EMC7: variants seen among roughly 807,000 people sequenced by gnomAD.
EMC7 encodes the protein ER membrane protein complex subunit 7.
EMC7 carries 4 observed loss-of-function variants against 24.4 expected under a neutral mutation model. The ratio of observed to expected loss-of-function variants is 0.16; its 90% CI spans 0.08 to 0.38. The LOEUF (loss-of-function observed/expected upper bound fraction) is 0.38, where lower values mean the gene tolerates loss of function less well. EMC7 is among the 10% of genes least tolerant of loss of function. The pLI, the probability that EMC7 is intolerant of heterozygous loss-of-function variation, is 1.00. For synonymous variants in EMC7, 106 were observed against 112.0 expected (o/e 0.95, Z 0.34); for missense variants, 221 against 300.6 (o/e 0.74, Z 1.96).
At chr15:34,101,580 T>A (rs762765654) in intron 1 of EMC7, 24 bp downstream of exon 1, 9 of 1,611,152 alleles carry the variant, frequency 5.6e-6, no homozygotes, top group Non-Finnish European at 7.6e-6. Flanking sequence ...CCAGCCTTTT[T>A]CCCGCTGCCC....
At chr15:34,093,209 G>A (rs1462574796) in intron 2 of EMC7, among the ~76,000 whole-genome samples, 1 of 152,126 alleles carries the variant, frequency 6.6e-6, no homozygotes, top group Non-Finnish European at 1.5e-5. Flanking sequence ...GGAGGCCGAG[G>A]CAGGAGGATC....
chr15:34,096,745 T>G (rs1901073870), intron 1 of EMC7, among the ~76,000 whole-genome samples: 1 of 151,412 alleles, frequency 6.6e-6, no homozygotes, highest in South Asian at 2.1e-4. Flanking sequence ...CCCAGCACTT[T>G]GGGAGGCCGA....
intron 2 of EMC7, among the ~76,000 whole-genome samples, chr15:34,093,205 C>T (rs1901005957): frequency 3.3e-5 from 5 of 152,116 alleles, no homozygotes; most frequent in South Asian, 2.1e-4. Flanking sequence ...TTTGGGAGGC[C>T]GAGGCAGGAG....
Position 34,101,594 on chromosome 15 carries a change from G to A in EMC7, c.236+10C>T, listed in dbSNP as rs1333161366. 1 of 1,613,254 alleles carries A rather than the reference G, an allele frequency of 6.2e-7. No homozygotes were observed. Among genetic ancestry groups the A allele is most frequent in the Non-Finnish European group, 8.5e-7 (1 of 1,179,650 alleles). On this transcript the variant is annotated intron_variant, in intron 1 of 4. Transcript: ENST00000256545. Reference sequence around the variant, plus strand: ...CCCAGCCTTTTTCCCGCTGCCCTCAGGATGCTCACTTAAGGAAACCGACGT... The same window carrying A: ...CCCAGCCTTTTTCCCGCTGCCCTCAAGATGCTCACTTAAGGAAACCGACGT...
Position 34,101,586 on chromosome 15 carries a change from T to G in EMC7, c.236+18A>C, listed in dbSNP as rs571422272. 1.1e-4 allele frequency: 185 copies of G among 1,612,454 alleles called. No homozygotes were observed. In the African/African-American group the frequency reaches 2.2e-3, roughly 19 times the overall value. On this transcript the variant is annotated intron_variant, in intron 1 of 4. Coordinates refer to ENST00000256545, the MANE Select transcript of EMC7 (RefSeq NM_020154.3). ...GCCTCCATCCCAGCCTTTTTCCCGC[T>G]GCCCTCAGGATGCTCACTTAAGGAA...
Position 34,088,047 on chromosome 15 carries a change from T to C in EMC7, c.576+6A>G. 1 of 1,603,394 alleles carries C rather than the reference T, an allele frequency of 6.2e-7. No homozygotes were observed. Among genetic ancestry groups the C allele is most frequent in the Non-Finnish European group, 8.5e-7 (1 of 1,176,402 alleles). On this transcript the variant is annotated splice_donor_region_variant and intron_variant, in intron 4 of 4. Coordinates refer to ENST00000256545, the MANE Select transcript of EMC7 (RefSeq NM_020154.3). ...AAAAAAATCCATAGCTGGACCATCA[T>C]CTTACCCGTCTCATGTCAGGATCAC... is the stretch of plus-strand genomic sequence containing the variant.
chr15:34,095,961 T>A lies in EMC7; in HGVS notation c.290A>T (p.Glu97Val). ...HDIPSGSYVV[E>V]VVSPAYRFDP... ...AAATCTGTAAGCTGGAGATACAACT[T>A]CCACTACATAAGATCCAGAAGGTAT... Residue 97 changes from glutamate to valine, a missense_variant, in exon 2 of 5, where the codon GAA becomes GTA. By Grantham distance (121) the Glu-to-Val change is moderately radical (BLOSUM62 -2). Coordinates refer to ENST00000256545, the MANE Select transcript of EMC7 (RefSeq NM_020154.3). 2.5e-6 allele frequency: 4 copies of A among 1,610,620 alleles called. No homozygotes were observed. The highest frequency in any genetic ancestry group is 3.4e-6 in the Non-Finnish European group (4 of 1,177,388).
At position 34,101,840 on chromosome 15, in the gene EMC7, G is replaced by A. The variant is rs747037014; in HGVS notation, c.-1C>T. ...AGAAGCCCCACAGAGCGGCCGCCATGACAGCAGCTCTGCACTCAGACCGGC... is the reference window on the plus strand; with the variant it reads ...AGAAGCCCCACAGAGCGGCCGCCATAACAGCAGCTCTGCACTCAGACCGGC... On this transcript the variant is annotated 5_prime_UTR_variant, in exon 1 of 5. Transcript: ENST00000256545. 1 of 1,600,906 alleles carries A rather than the reference G, an allele frequency of 6.2e-7. No individual in the cohort carries two copies. Among genetic ancestry groups the A allele is most frequent in the South Asian group, 1.1e-5 (1 of 90,302 alleles).
At chr15:34,088,330 T>G (rs1169661713) in intron 3 of EMC7, among the ~76,000 whole-genome samples, 197 bp from the exon 4 acceptor site, 1 of 152,206 alleles carries the variant, frequency 6.6e-6, no homozygotes, top group African/African-American at 2.4e-5. Context: ...GGTGGACTAT[T>G]ATAGAATATT....
intron 3 of EMC7, 62 bp downstream of exon 3, chr15:34,090,255 T>C (rs577896270): frequency 1.3e-4 from 196 of 1,506,784 alleles, no homozygotes; most frequent in Non-Finnish European, 1.0e-4. Context: ...AGGTTTGAAG[T>C]TTCCACTGCC....
chr15:34,100,479 C>T (rs908289910), intron 1 of EMC7, among the ~76,000 whole-genome samples: 6 of 152,164 alleles, frequency 3.9e-5, no homozygotes, highest in African/African-American at 1.2e-4. Context: ...TCAATTAAGG[C>T]TTATTCCTAA....
intron 4 of EMC7, 103 bp downstream of exon 4, chr15:34,087,950 G>T: frequency 2.0e-6 from 2 of 982,104 alleles, no homozygotes; most frequent in Non-Finnish European, 1.5e-6. Context: ...GAGCCCAGGA[G>T]TTTGAGGCCA....
intron 3 of EMC7, 148 bp from the exon 4 acceptor site, chr15:34,088,281 C>T: frequency 1.5e-6 from 1 of 670,282 alleles, no homozygotes; most frequent in East Asian, 2.7e-5. Flanking sequence ...TTCTACTGAG[C>T]CAGTTCTGAT....
At chr15:34,095,063 T>C (rs1314041258) in intron 2 of EMC7, among the ~76,000 whole-genome samples, 2 of 152,214 alleles carry the variant, frequency 1.3e-5, no homozygotes, top group Non-Finnish European at 2.9e-5. Flanking sequence ...CTAAATATGC[T>C]GCGCAGACAC....
chr15:34,093,457 A>T (rs576982271), intron 2 of EMC7, among the ~76,000 whole-genome samples: 1 of 149,634 alleles, frequency 6.7e-6, no homozygotes, highest in Non-Finnish European at 1.5e-5. Context: ...AAAAAAAATT[A>T]TAAGTTGAAC....
intron 4 of EMC7, chr15:34,086,202 G>C: frequency 2.6e-6 from 1 of 378,678 alleles, no homozygotes; most frequent in South Asian, 2.2e-5. Flanking sequence ...AACACCTCTA[G>C]GTTTCTGCCA....
At chr15:34,100,314 C>T (rs1901154106) in intron 1 of EMC7, among the ~76,000 whole-genome samples, 1 of 152,128 alleles carries the variant, frequency 6.6e-6, no homozygotes, top group Non-Finnish European at 1.5e-5. Context: ...GCACTCCAGG[C>T]TGAGTAACAG....
chr15:34,099,773 T>C (rs977255486), intron 1 of EMC7, among the ~76,000 whole-genome samples: 1 of 152,104 alleles, frequency 6.6e-6, no homozygotes, highest in Non-Finnish European at 1.5e-5. Context: ...TCCTGGCTAA[T>C]TATTTATTTT....
At chr15:34,097,235 G>A (rs1053278118) in intron 1 of EMC7, among the ~76,000 whole-genome samples, 8 of 151,844 alleles carry the variant, frequency 5.3e-5, no homozygotes, top group African/African-American at 1.5e-4. Context: ...GGGTTTCACC[G>A]TGTTAGCCAG....
Sources: allele counts gnomAD v4.1 joint callset (sites outside exome capture counted in the v4.1 genomes callset), GRCh38; gene constraint gnomAD v4.1.1; transcripts MANE v1.5; gene names NCBI Gene and HGNC (gene_info 2026-07-23, HGNC 2026-07-21).